TENM4: variants seen among roughly 807,000 people sequenced by gnomAD.
The protein encoded by TENM4 is teneurin transmembrane protein 4, also known as teneurin-4.
Under a neutral mutation model 243.3 loss-of-function variants are expected in TENM4, and 82 were observed. That is an observed-to-expected ratio of 0.34 (90% confidence interval 0.28 to 0.40). The LOEUF (loss-of-function observed/expected upper bound fraction) is 0.40, where lower values mean the gene tolerates loss of function less well. Among genes scored for constraint, TENM4 ranks in the 10% least tolerant of loss-of-function variants. TENM4 has a pLI of 1.00. For synonymous variants in TENM4, 1,412 were observed against 1,456.3 expected, an observed-to-expected ratio of 0.97 and a Z score of 0.69; for missense variants, 3,138 against 3,673.3, an observed-to-expected ratio of 0.85 and a Z score of 3.77.
intron 12 of TENM4, among the ~76,000 whole-genome samples, chr11:78,836,839 C>T (rs1474411065): frequency 2.6e-5 from 4 of 151,950 alleles, no homozygotes; most frequent in Non-Finnish European, 5.9e-5. Context: ...TCTTAAACAA[C>T]AAAAGCAAAC....
intron 5 of TENM4, among the ~76,000 whole-genome samples, chr11:79,066,463 C>T (rs1024864689): frequency 6.6e-6 from 1 of 152,190 alleles, no homozygotes; most frequent in African/African-American, 2.4e-5. Flanking sequence ...CTTGTGCTCC[C>T]CTGGTGTGTC....
At chr11:78,983,665 C>T (rs766430266) in intron 6 of TENM4, among the ~76,000 whole-genome samples, 2 of 152,210 alleles carry the variant, frequency 1.3e-5, no homozygotes, top group Non-Finnish European at 2.9e-5. Context: ...AGTGGGGACA[C>T]GCTGCCCCCA....
chr11:79,372,025 C>A (rs1219309398), intron 1 of TENM4, among the ~76,000 whole-genome samples: 1 of 152,106 alleles, frequency 6.6e-6, no homozygotes. Context: ...GAAAGAAATC[C>A]TTTGAGAGCC....
At chr11:78,805,847 C>G in intron 14 of TENM4, among the ~76,000 whole-genome samples, 1 of 152,302 alleles carries the variant, frequency 6.6e-6, no homozygotes, top group Admixed American at 6.5e-5. Flanking sequence ...ATAGAATGAA[C>G]TTTTATTATC....
intron 3 of TENM4, among the ~76,000 whole-genome samples, chr11:79,182,635 G>A (rs538656087): frequency 6.6e-6 from 1 of 152,124 alleles, no homozygotes; most frequent in South Asian, 2.1e-4. Context: ...GAGAAGACAA[G>A]CCATAGACTG....
chr11:78,929,290 T>A (rs1206133956), intron 6 of TENM4, among the ~76,000 whole-genome samples: 1 of 152,158 alleles, frequency 6.6e-6, no homozygotes, highest in African/African-American at 2.4e-5. Flanking sequence ...TCAAACTGCT[T>A]CCATGTGCGG....
At chr11:79,318,634 C>G (rs1265852795) in intron 1 of TENM4, among the ~76,000 whole-genome samples, 1 of 152,098 alleles carries the variant, frequency 6.6e-6, no homozygotes, top group Non-Finnish European at 1.5e-5. Flanking sequence ...ACCTGTTTTA[C>G]ACAGGTAAAA....
intron 1 of TENM4, among the ~76,000 whole-genome samples, chr11:79,424,597 C>T (rs1055915689): frequency 3.3e-5 from 5 of 151,656 alleles, no homozygotes; most frequent in African/African-American, 1.2e-4. Flanking sequence ...CACATCACTG[C>T]ACTCCAGCCT....
At chr11:78,710,292 G>A (rs1859366579) in intron 26 of TENM4, among the ~76,000 whole-genome samples, 1 of 152,212 alleles carries the variant, frequency 6.6e-6, no homozygotes, top group African/African-American at 2.4e-5. Context: ...GTAAAAATGA[G>A]AAAGTGGCTG....
Position 78,669,056 on chromosome 11 carries a change from C to A in TENM4, c.7289G>T (p.Ser2430Ile). 6.2e-7 allele frequency: 1 copy of A among 1,613,956 alleles called. No individual in the cohort carries two copies. Among genetic ancestry groups the A allele is most frequent in the Non-Finnish European group, 8.5e-7 (1 of 1,179,900 alleles). ...DYDVLAGRWT[S>I]PDHELWKHLS... is the part of the protein sequence containing the mutation. ...GTGCTTCCACAGCTCGTGGTCTGGG[C>A]TAGTCCAGCGTCCGGCCAGCACATC... is the stretch of plus-strand genomic sequence containing the variant. The change falls in exon 32 of 34, where the codon AGC (serine) becomes ATC (isoleucine). Residue 2430 changes from serine (S) to isoleucine (I), a missense_variant. Transcript: ENST00000278550. The surrounding 1 kb of genome is among the most constrained non-coding windows in gnomAD (Gnocchi z 6.4).
At chr11:78,986,512 G>T (rs1857922120) in intron 6 of TENM4, among the ~76,000 whole-genome samples, 1 of 152,148 alleles carries the variant, frequency 6.6e-6, no homozygotes, top group Non-Finnish European at 1.5e-5. Flanking sequence ...GGCTGTAGGA[G>T]CCAAATGGGC....
At chr11:78,664,400 A>T (rs1858100302) in intron 32 of TENM4, among the ~76,000 whole-genome samples, 1 of 151,866 alleles carries the variant, frequency 6.6e-6, no homozygotes, top group South Asian at 2.1e-4. Context: ...TCCCTAGCTA[A>T]TTTTTTGTAG....
At chr11:79,396,746 C>G (rs373470707) in intron 1 of TENM4, among the ~76,000 whole-genome samples, 2 of 152,348 alleles carry the variant, frequency 1.3e-5, no homozygotes, top group South Asian at 4.1e-4. Context: ...ATGGTGGCCA[C>G]TGGGTCTCCC....
At chr11:79,402,027 G>A in intron 1 of TENM4, 1 of 417,756 alleles carries the variant, frequency 2.4e-6, no homozygotes, top group Non-Finnish European at 5.3e-6. Context: ...TAAGGTCCCT[G>A]CCCTCTAGAA....
chr11:79,164,080 A>G (rs1162824405), intron 3 of TENM4, among the ~76,000 whole-genome samples: 2 of 30,374 alleles, frequency 6.6e-5, no homozygotes, highest in Non-Finnish European at 1.5e-4. Flanking sequence ...TATATACACT[A>G]TATATACTAT....
chr11:79,003,019 G>T (rs1012432200), intron 6 of TENM4, among the ~76,000 whole-genome samples: 3 of 152,234 alleles, frequency 2.0e-5, no homozygotes, highest in East Asian at 1.9e-4. Context: ...TAATACAATT[G>T]TAAGTATTAA....
chr11:78,992,472 CAT>C (rs1858070254), intron 6 of TENM4, among the ~76,000 whole-genome samples: 2 of 152,224 alleles, frequency 1.3e-5, no homozygotes, highest in South Asian at 4.1e-4. Flanking sequence ...GGTTAGAAGA[CAT>C]AGCTCATTCA....
At chr11:79,237,663 C>T (rs527397654) in intron 2 of TENM4, among the ~76,000 whole-genome samples, 6 of 152,208 alleles carry the variant, frequency 3.9e-5, no homozygotes, top group South Asian at 2.1e-4. Context: ...GGCAACAGAG[C>T]GAGACTCCGT....
intron 2 of TENM4, among the ~76,000 whole-genome samples, chr11:79,217,174 C>T (rs1864066632): frequency 6.6e-6 from 1 of 152,134 alleles, no homozygotes; most frequent in African/African-American, 2.4e-5. Flanking sequence ...AGAAATTCTA[C>T]CCTACTCAAA....
Sources: gnomAD v4.1 joint callset for allele counts (sites outside exome capture counted in the v4.1 genomes callset) on GRCh38, gnomAD v4.1.1 for gene constraint, Gnocchi (gnomAD v3.1) non-coding constraint, MANE v1.5 for transcripts, NCBI Gene and HGNC (gene_info 2026-07-23, HGNC 2026-07-21) for gene names.